MACROH2A2: variants seen among roughly 807,000 people sequenced by gnomAD.
MACROH2A2 encodes macroH2A.2 histone.
In MACROH2A2, 6 loss-of-function variants were observed where a neutral mutation model predicts 37.6. The ratio of observed to expected loss-of-function variants is 0.16; its 90% confidence interval spans 0.09 to 0.32. The LOEUF is 0.32. Ranked by LOEUF, MACROH2A2 falls within the 10% of genes least tolerant of loss-of-function variation. The pLI, the probability that MACROH2A2 is intolerant of heterozygous loss-of-function variation, is 1.00. For synonymous variants in MACROH2A2, 192 were observed against 202.7 expected (o/e 0.95, Z 0.45); for missense variants, 290 against 485.9 (o/e 0.60, Z 3.79).
intron 4 of MACROH2A2, among the ~76,000 whole-genome samples, chr10:70,093,256 C>T (rs1437912746): frequency 6.6e-6 from 1 of 152,348 alleles, no homozygotes; most frequent in East Asian, 1.9e-4. Context: ...TTCAAGCACT[C>T]AGCAACATTA....
intron 2 of MACROH2A2, among the ~76,000 whole-genome samples, chr10:70,077,077 G>T (rs964140568): frequency 1.3e-5 from 2 of 152,210 alleles, no homozygotes; most frequent in Non-Finnish European, 2.9e-5. Flanking sequence ...GAGAGCTGGA[G>T]GGCTCTGAAA....
chr10:70,089,990 A>C, intron 2 of MACROH2A2, 70 bp from the exon 3 acceptor site: 1 of 961,556 alleles, frequency 1.0e-6, no homozygotes, highest in Non-Finnish European at 1.7e-6. Flanking sequence ...CTTGAAGGCC[A>C]TTTCTAAAGA....
intron 1 of MACROH2A2, among the ~76,000 whole-genome samples, chr10:70,055,058 G>A (rs539252866): frequency 1.3e-5 from 2 of 152,324 alleles, no homozygotes; most frequent in South Asian, 4.1e-4. Context: ...TCTTCTGTCT[G>A]GTTCCCAGGA....
Position 70,053,731 on chromosome 10 carries a change from G to T in MACROH2A2, c.-60+731G>T, listed in dbSNP as rs2071991367. Among the ~76,000 whole-genome samples, 2 of 151,908 alleles carry T rather than the reference G, an allele frequency of 1.3e-5. No homozygotes were observed. The highest frequency in any genetic ancestry group is 4.1e-4 in the South Asian group (2 of 4,830). The stretch of plus-strand genomic sequence containing the variant: ...CACTCCCCTTCGGTTCCCTTTCCGG[G>T]GCGCCCGGTGCCGACGCGCGCTGCG... On this transcript the variant is annotated intron_variant, in intron 1 of 8. Coordinates refer to ENST00000373255, the MANE Select transcript of MACROH2A2 (RefSeq NM_018649.3). The surrounding 1 kb of genome is among the most constrained non-coding windows in gnomAD (Gnocchi z 4.8).
chr10:70,053,156 A>G lies in MACROH2A2; in HGVS notation c.-60+156A>G, dbSNP rs2071985977. On this transcript the variant is annotated intron_variant, in intron 1 of 8. Transcript: ENST00000373255. This position sits in a 1 kb window ranked among gnomAD's most constrained non-coding sequence, Gnocchi z 4.8. ...CCTCGATAGCCGACCCACCCTCTGC[A>G]AAAACAAATTCTTAAATCCAGCTGC... Among the ~76,000 whole-genome samples the G allele has an allele frequency of 6.6e-6, 1 of 152,156 alleles. No individual in the cohort carries two copies. Among genetic ancestry groups the G allele is most frequent in the South Asian group, 2.1e-4 (1 of 4,830 alleles).
chr10:70,061,784 C>T (rs1002530572), intron 1 of MACROH2A2, among the ~76,000 whole-genome samples: 37 of 152,308 alleles, frequency 2.4e-4, no homozygotes, highest in Middle Eastern at 3.4e-3. Context: ...TTCTAACATT[C>T]ATGGTTGGTT....
At chr10:70,101,836 T>C (rs1351144867) in intron 7 of MACROH2A2, among the ~76,000 whole-genome samples, 1 of 152,256 alleles carries the variant, frequency 6.6e-6, no homozygotes, top group Non-Finnish European at 1.5e-5. Context: ...ACTTATTCCT[T>C]TTCATGGCTG....
chr10:70,102,891 T>C (rs1430661303), intron 7 of MACROH2A2, among the ~76,000 whole-genome samples: 5 of 149,734 alleles, frequency 3.3e-5, no homozygotes, highest in South Asian at 2.1e-4. Context: ...TAAGCCTCCA[T>C]GTAGACAGAG....
intron 7 of MACROH2A2, among the ~76,000 whole-genome samples, chr10:70,104,326 C>A (rs2072324137): frequency 6.9e-6 from 1 of 144,630 alleles, no homozygotes; most frequent in South Asian, 2.2e-4. Flanking sequence ...AAAGGAGGAG[C>A]AAATATCTTG....
At chr10:70,072,831 C>A (rs1299430485) in intron 1 of MACROH2A2, among the ~76,000 whole-genome samples, 1 of 152,100 alleles carries the variant, frequency 6.6e-6, no homozygotes, top group Non-Finnish European at 1.5e-5. Context: ...GTGGTGCACA[C>A]CGATAGTCCC....
At chr10:70,054,962 C>T (rs1369253138) in intron 1 of MACROH2A2, among the ~76,000 whole-genome samples, 1 of 152,188 alleles carries the variant, frequency 6.6e-6, no homozygotes, top group Non-Finnish European at 1.5e-5. Context: ...TTAGTGGTTT[C>T]CTCTATATCA....
chr10:70,055,990 C>T (rs1252988428), intron 1 of MACROH2A2, among the ~76,000 whole-genome samples: 1 of 152,146 alleles, frequency 6.6e-6, no homozygotes, highest in Non-Finnish European at 1.5e-5. Flanking sequence ...AGAAAAAGAT[C>T]ACCAAGATGT....
At chr10:70,091,992 A>C in intron 4 of MACROH2A2, 38 bp downstream of exon 4, 2 of 1,501,540 alleles carry the variant, frequency 1.3e-6, no homozygotes, top group Non-Finnish European at 1.8e-6. Flanking sequence ...AGGCACTCCC[A>C]CTGCAATGGT....
chr10:70,082,283 G>A (rs1001165193), intron 2 of MACROH2A2, among the ~76,000 whole-genome samples: 1 of 152,144 alleles, frequency 6.6e-6, no homozygotes, highest in Admixed American at 6.5e-5. Flanking sequence ...GCCGGGTGTG[G>A]TGGTGCATGC....
At position 70,072,956 on chromosome 10, in the gene MACROH2A2, C is replaced by T. The variant is rs116845123; in HGVS notation, c.-59-2644C>T. 2.0e-4 allele frequency among the ~76,000 whole-genome samples: 30 copies of T among 151,802 alleles called. No homozygotes were observed. In the East Asian group the frequency reaches 3.9e-3, roughly 20 times the overall value. On this transcript the variant is annotated intron_variant, in intron 1 of 8. Transcript: ENST00000373255. ...TAGGGGACAGAGCAAGACTCCTTCCCAAACAACAACAACAACAACAAAAAG... is the reference window on the plus strand; with the variant it reads ...TAGGGGACAGAGCAAGACTCCTTCCTAAACAACAACAACAACAACAAAAAG...
intron 7 of MACROH2A2, among the ~76,000 whole-genome samples, chr10:70,100,711 A>C (rs1244869059): frequency 6.7e-6 from 1 of 150,072 alleles, no homozygotes; most frequent in African/African-American, 2.4e-5. Flanking sequence ...CTGCCTCCCA[A>C]GTTCAAACGA....
At position 70,075,845 on chromosome 10, in the gene MACROH2A2, C is replaced by T; in HGVS notation, c.172+15C>T. On this transcript the variant is annotated intron_variant, in intron 2 of 8. Transcript: ENST00000373255. This position sits in a 1 kb window ranked among gnomAD's most constrained non-coding sequence, Gnocchi z 5.0. ...GTACCTGGCAGGTAATGAGGACACG[C>T]AAAGGAGGCTGCCTGCTCCCAGGTC... is the stretch of plus-strand genomic sequence containing the variant. The T allele has an allele frequency of 6.2e-7, 1 of 1,607,446 alleles. No individual in the cohort carries two copies. Among genetic ancestry groups the T allele is most frequent in the Non-Finnish European group, 8.5e-7 (1 of 1,176,550 alleles).
Position 70,075,921 on chromosome 10 carries a change from T to G in MACROH2A2, c.172+91T>G. On this transcript the variant is annotated intron_variant, in intron 2 of 8. Coordinates refer to ENST00000373255, the MANE Select transcript of MACROH2A2 (RefSeq NM_018649.3). The surrounding 1 kb of genome is among the most constrained non-coding windows in gnomAD (Gnocchi z 5.0). Reference sequence around the variant, plus strand: ...CAGGCTGGGGAGGGATGCTCCAAATTGCCTTTTGGCTGGCTCAAGGCTACT... The same window carrying G: ...CAGGCTGGGGAGGGATGCTCCAAATGGCCTTTTGGCTGGCTCAAGGCTACT... 8.8e-7 allele frequency: 1 copy of G among 1,133,796 alleles called. No individual in the cohort carries two copies. The highest frequency in any genetic ancestry group is 1.3e-6 in the Non-Finnish European group (1 of 787,390). 70.2% of individuals were successfully genotyped at this position (1,133,796 alleles called of 1,614,324 possible).
At chr10:70,083,373 G>T (rs2072192921) in intron 2 of MACROH2A2, among the ~76,000 whole-genome samples, 2 of 152,160 alleles carry the variant, frequency 1.3e-5, no homozygotes, top group South Asian at 4.1e-4. Flanking sequence ...AAATCTCTGT[G>T]GCAAGCAGTG....
Sources: gnomAD v4.1 joint callset for allele counts (sites outside exome capture counted in the v4.1 genomes callset) on GRCh38, gnomAD v4.1.1 for gene constraint, Gnocchi (gnomAD v3.1) non-coding constraint, MANE v1.5 for transcripts, NCBI Gene and HGNC (gene_info 2026-07-23, HGNC 2026-07-21) for gene names.